Variants in PCDH9 observed in about 807,000 individuals in gnomAD.
PCDH9 encodes the protein protocadherin 9.
Under a neutral mutation model 70.6 loss-of-function variants are expected in PCDH9, and 24 were observed. The observed-to-expected ratio is 0.34, with a 90% CI of 0.25 to 0.48. The LOEUF is 0.48. PCDH9 is among the 20% of genes least tolerant of loss of function. The probability of loss-of-function intolerance (pLI) is 0.99; values close to 1 mark genes in which losing one functional copy is unlikely to be tolerated. For missense variants in PCDH9, 1,281 were observed against 1,503.6 expected, an observed-to-expected ratio of 0.85 and a Z score of 2.45; for synonymous variants, 562 against 558.5, an observed-to-expected ratio of 1.01 and a Z score of -0.09.
chr13:66,352,545 A>C (rs1956309433), intron 4 of PCDH9, among the ~76,000 whole-genome samples: 1 of 152,146 alleles, frequency 6.6e-6, no homozygotes. Flanking sequence ...GACCTCTTGG[A>C]GTTCCAGTGG....
At chr13:66,810,125 A>G (rs1216409447) in intron 3 of PCDH9, among the ~76,000 whole-genome samples, 1 of 152,190 alleles carries the variant, frequency 6.6e-6, no homozygotes, top group East Asian at 1.9e-4. Context: ...ATGTGGACAT[A>G]ATCCATTGAG....
At chr13:66,655,605 T>C (rs1453241314) in intron 3 of PCDH9, among the ~76,000 whole-genome samples, 1 of 152,086 alleles carries the variant, frequency 6.6e-6, no homozygotes, top group Non-Finnish European at 1.5e-5. Flanking sequence ...AGGGAATATA[T>C]ATATTTATAA....
intron 3 of PCDH9, among the ~76,000 whole-genome samples, chr13:66,814,812 G>A (rs1434031734): frequency 6.6e-6 from 1 of 152,140 alleles, no homozygotes; most frequent in East Asian, 1.9e-4. Flanking sequence ...ACCCTTGGAA[G>A]ATAATCTAGG....
chr13:66,477,472 G>T lies in PCDH9; in HGVS notation c.3340+153738C>A, dbSNP rs543282297. 2.6e-5 allele frequency among the ~76,000 whole-genome samples: 4 copies of T among 152,150 alleles called. No individual in the cohort carries two copies. The East Asian group carries it at 7.7e-4, about 29-fold the overall frequency. ...TATATGATATTTGAGATGAACTGTG[G>T]ACAAGACATAGATATCAAAAGATGG... On this transcript the variant is annotated intron_variant, in intron 4 of 4. Coordinates refer to ENST00000377865, the MANE Select transcript of PCDH9 (RefSeq NM_203487.3).
chr13:66,706,942 T>C (rs569567657), intron 3 of PCDH9, among the ~76,000 whole-genome samples: 2 of 152,124 alleles, frequency 1.3e-5, no homozygotes, highest in Non-Finnish European at 2.9e-5. Flanking sequence ...GTTGGGGTGC[T>C]AGGCCTTTAG....
intron 3 of PCDH9, among the ~76,000 whole-genome samples, chr13:66,738,021 G>A (rs2079184697): frequency 1.3e-5 from 2 of 152,174 alleles, no homozygotes; most frequent in South Asian, 4.1e-4. Flanking sequence ...GCCTGCCTCT[G>A]TAGCCTCCAC....
chr13:66,997,750 G>T (rs1314840748), intron 2 of PCDH9, among the ~76,000 whole-genome samples: 1 of 152,068 alleles, frequency 6.6e-6, no homozygotes, highest in Non-Finnish European at 1.5e-5. Flanking sequence ...GGCCAGGCTG[G>T]TCTCGATCCC....
Position 67,130,090 on chromosome 13 carries a change from T to G in PCDH9, c.3036+95315A>C, listed in dbSNP as rs73212750. Among the ~76,000 whole-genome samples the G allele has an allele frequency of 5.0e-3, 761 of 152,288 alleles. 3 individuals carry two copies. Among genetic ancestry groups the G allele is most frequent in the Non-Finnish European group, 9.2e-3 (626 of 68,022 alleles). ...ATTTATGGGAAGGCAGAGAAGAGTCTGCTTTATAATGTAGAAAATTAAATA... is the reference window on the plus strand; with the variant it reads ...ATTTATGGGAAGGCAGAGAAGAGTCGGCTTTATAATGTAGAAAATTAAATA... On this transcript the variant is annotated intron_variant, in intron 2 of 4. Coordinates refer to ENST00000377865, the MANE Select transcript of PCDH9 (RefSeq NM_203487.3).
intron 2 of PCDH9, chr13:67,215,489 T>C (rs1362466832): frequency 1.3e-5 from 2 of 152,098 alleles, no homozygotes; most frequent in African/African-American, 4.8e-5. Flanking sequence ...ATCAATGATC[T>C]AAGTACTGAA....
intron 2 of PCDH9, among the ~76,000 whole-genome samples, chr13:66,936,701 A>G (rs1369479491): frequency 6.6e-6 from 1 of 152,230 alleles, no homozygotes; most frequent in Non-Finnish European, 1.5e-5. Context: ...TAATATAATA[A>G]TAGAAGCAAT....
chr13:66,575,215 T>A (rs1488466472), intron 4 of PCDH9, among the ~76,000 whole-genome samples: 1 of 152,042 alleles, frequency 6.6e-6, no homozygotes, highest in Admixed American at 6.6e-5. Context: ...TTGTTGTTGT[T>A]GTTGTTAGGA....
At position 67,229,399 on chromosome 13, in the gene PCDH9, GA is replaced by G. The variant is rs535044680; in HGVS notation, c.-136+380del. ...AATATTTTCTACTGAACATAAAAGA[GA>G]AAAAAAATGCAATTTCTTAATCCTG... On this transcript the variant is annotated intron_variant, in intron 1 of 4. Coordinates refer to ENST00000377865, the MANE Select transcript of PCDH9 (RefSeq NM_203487.3). Among the ~76,000 whole-genome samples the G allele has an allele frequency of 1.4e-4, 22 of 151,976 alleles. No homozygotes were observed. In the South Asian group the frequency reaches 1.5e-3, roughly 10 times the overall value.
intron 3 of PCDH9, among the ~76,000 whole-genome samples, chr13:66,807,087 C>A (rs2080422372): frequency 6.6e-6 from 1 of 152,086 alleles, no homozygotes; most frequent in Non-Finnish European, 1.5e-5. Flanking sequence ...TAATTGAATG[C>A]CAGATTTACA....
At chr13:66,862,264 TCAAAA>T (rs1265291023) in intron 3 of PCDH9, among the ~76,000 whole-genome samples, 3 of 152,164 alleles carry the variant, frequency 2.0e-5, no homozygotes, top group African/African-American at 7.2e-5. Context: ...TTCTATTAGC[TCAAAA>T]CAAAGTGCAT....
intron 2 of PCDH9, among the ~76,000 whole-genome samples, chr13:67,129,585 G>A (rs1285148067): frequency 6.6e-6 from 1 of 151,730 alleles, no homozygotes; most frequent in Non-Finnish European, 1.5e-5. Flanking sequence ...TCTCTGCTAA[G>A]GGCACAATCA....
At chr13:66,439,043 CAT>C (rs1026971696) in intron 4 of PCDH9, among the ~76,000 whole-genome samples, 5 of 152,144 alleles carry the variant, frequency 3.3e-5, no homozygotes, top group African/African-American at 1.2e-4. Context: ...AATGAAAAAA[CAT>C]ATTTATACAG....
intron 4 of PCDH9, among the ~76,000 whole-genome samples, chr13:66,439,357 A>G (rs1334505406): frequency 6.6e-6 from 1 of 152,208 alleles, no homozygotes; most frequent in Non-Finnish European, 1.5e-5. Flanking sequence ...TGATTAAAAA[A>G]TAAAGTACAT....
intron 2 of PCDH9, among the ~76,000 whole-genome samples, chr13:67,092,576 AC>A (rs1259183994): frequency 6.6e-6 from 1 of 152,108 alleles, no homozygotes; most frequent in East Asian, 1.9e-4. Context: ...CTTCCCCTGT[AC>A]TTTATTCCCC....
At chr13:66,858,088 AAC>A (rs1409887923) in intron 3 of PCDH9, among the ~76,000 whole-genome samples, 2 of 152,134 alleles carry the variant, frequency 1.3e-5, no homozygotes, top group Admixed American at 6.6e-5. Context: ...TAAGATAAAT[AAC>A]ACAATTAAAT....
Sources: gnomAD v4.1 joint callset for allele counts (sites outside exome capture counted in the v4.1 genomes callset) on GRCh38, gnomAD v4.1.1 for gene constraint, MANE v1.5 for transcripts, NCBI Gene and HGNC (gene_info 2026-07-23, HGNC 2026-07-21) for gene names.